CELF2: variants seen among roughly 807,000 people sequenced by gnomAD.
CELF2 encodes CUG triplet repeat RNA-binding protein 2.
Under a neutral mutation model 62.6 loss-of-function variants are expected in CELF2, and 8 were observed. That is an observed-to-expected ratio of 0.13 (90% CI 0.07 to 0.23). The LOEUF (loss-of-function observed/expected upper bound fraction) is 0.23. Among genes scored for constraint, CELF2 ranks in the 10% least tolerant of loss-of-function variants. CELF2 has a pLI of 1.00. For synonymous variants in CELF2, 258 were observed against 250.0 expected, an observed-to-expected ratio of 1.03 and a Z score of -0.30; for missense variants, 333 against 671.0, an observed-to-expected ratio of 0.50 and a Z score of 5.56.
chr10:10,676,432 G>A, the CELF2 span, among the ~76,000 whole-genome samples: 4 of 152,178 alleles, frequency 2.6e-5, no homozygotes, highest in Non-Finnish European at 4.4e-5. Flanking sequence ...TTGTTTAAAA[G>A]AACAGAGTGA....
chr10:11,027,000 T>A (rs2059326123), intron 1 of CELF2, among the ~76,000 whole-genome samples: 1 of 152,216 alleles, frequency 6.6e-6, no homozygotes, highest in Admixed American at 6.5e-5. Flanking sequence ...TATATTTGGC[T>A]ATGCTGCAGC....
At chr10:10,877,863 C>A (rs568293407) in intron 1 of CELF2, among the ~76,000 whole-genome samples, 5 of 152,330 alleles carry the variant, frequency 3.3e-5, no homozygotes, top group African/African-American at 9.6e-5. Context: ...ATTCAGCAAG[C>A]CTGGCGTAGC....
chr10:10,700,939 C>T, the CELF2 span, among the ~76,000 whole-genome samples: 2 of 152,202 alleles, frequency 1.3e-5, no homozygotes, highest in Non-Finnish European at 2.9e-5. Flanking sequence ...TCTGACTCTC[C>T]TACGCCTCCA....
chr10:10,931,782 A>G lies in CELF2; in HGVS notation c.89+11783A>G, dbSNP rs2066087448. Among the ~76,000 whole-genome samples, 1 of 152,230 alleles carries G rather than the reference A, an allele frequency of 6.6e-6. No homozygotes were observed. The highest frequency in any genetic ancestry group is 6.5e-5 in the Admixed American group (1 of 15,286). On this transcript the variant is annotated intron_variant, in intron 2 of 13. Coordinates refer to the CELF2 transcript ENST00000636488. The surrounding 1 kb of genome is among the most constrained non-coding windows in gnomAD (Gnocchi z 6.1). ...TAGTCTTTTCTCACGCTGCTAATAAAGACATACCCACAACTGAGTAATTTA... is the reference window on the plus strand; with the variant it reads ...TAGTCTTTTCTCACGCTGCTAATAAGGACATACCCACAACTGAGTAATTTA...
At chr10:10,534,119 G>A in the CELF2 span, among the ~76,000 whole-genome samples, 1 of 150,260 alleles carries the variant, frequency 6.7e-6, no homozygotes, top group African/African-American at 2.5e-5. Context: ...GATAAGGACT[G>A]GAAAAAAATA....
intron 2 of CELF2, among the ~76,000 whole-genome samples, chr10:11,176,611 T>C (rs1158403983): frequency 6.6e-6 from 1 of 152,204 alleles, no homozygotes; most frequent in African/African-American, 2.4e-5. Flanking sequence ...GTAAGTTGCC[T>C]AGGACAGCGC....
chr10:11,231,052 A>G (rs559487510), intron 3 of CELF2, among the ~76,000 whole-genome samples: 9 of 152,310 alleles, frequency 5.9e-5, no homozygotes, highest in Non-Finnish European at 1.5e-5. Flanking sequence ...GGAATATACT[A>G]TTGCCTGATG....
At chr10:11,303,468 C>T (rs1425886955) in intron 9 of CELF2, among the ~76,000 whole-genome samples, 1 of 152,194 alleles carries the variant, frequency 6.6e-6, no homozygotes, top group African/African-American at 2.4e-5. Flanking sequence ...AGATGCAGTT[C>T]CTCTTTTGAG....
the CELF2 span, among the ~76,000 whole-genome samples, chr10:10,692,034 T>C: frequency 6.6e-6 from 1 of 151,552 alleles, no homozygotes; most frequent in Non-Finnish European, 1.5e-5. Context: ...TTGTCAATTT[T>C]GTCTTTTGTT....
intron 1 of CELF2, among the ~76,000 whole-genome samples, chr10:10,832,066 G>A (rs12778667): frequency 0.13 from 19,525 of 151,634 alleles, 1,643 homozygotes; most frequent in Non-Finnish European, 0.19. Flanking sequence ...TCAGGAGTTC[G>A]AGACTATCCT....
At chr10:11,024,300 A>T (rs1473774539) in intron 1 of CELF2, among the ~76,000 whole-genome samples, 2 of 152,146 alleles carry the variant, frequency 1.3e-5, no homozygotes, top group East Asian at 3.9e-4. Context: ...TTTTGATTTT[A>T]AATCTCAGTA....
chr10:10,852,313 G>A (rs1180185407), intron 1 of CELF2, among the ~76,000 whole-genome samples: 1 of 152,174 alleles, frequency 6.6e-6, no homozygotes, highest in Non-Finnish European at 1.5e-5. Context: ...ATCTCAGGGG[G>A]ATTATACTGA....
intron 1 of CELF2, among the ~76,000 whole-genome samples, chr10:10,869,783 A>G (rs2060620152): frequency 6.6e-6 from 1 of 152,168 alleles, no homozygotes; most frequent in South Asian, 2.1e-4. Flanking sequence ...CGCCTTATCA[A>G]CATAATGAGT....
rs1330554226 is a variant in CELF2 at position 11,319,877 on chromosome 10, A to G, written c.1097-1312A>G. On this transcript the variant is annotated intron_variant, in intron 10 of 12. Coordinates refer to ENST00000633077, the MANE Select transcript of CELF2 (RefSeq NM_001326342.2). The surrounding 1 kb of genome is among the most constrained non-coding windows in gnomAD (Gnocchi z 4.4). The stretch of plus-strand genomic sequence containing the variant: ...CAGAACATTCCCCACCTGCTCTGTT[A>G]GGGCAGTAGCGTTGCTGGGCGTGTG... 1 of 471,080 alleles carries G rather than the reference A, an allele frequency of 2.1e-6. No individual in the cohort carries two copies. Among genetic ancestry groups the G allele is most frequent in the African/African-American group, 2.0e-5 (1 of 50,178 alleles). 29.2% of individuals were successfully genotyped at this position (471,080 alleles called of 1,614,324 possible). A position where few individuals can be genotyped will look rare whatever the true frequency, so the allele number is the denominator to read the frequency against.
Position 11,211,813 on chromosome 10 carries a change from A to AGAGTGTGCGTGT in CELF2, c.272-5611_272-5610insAGTGTGCGTGTG, listed in dbSNP as rs1373283373. Among the ~76,000 whole-genome samples the AGAGTGTGCGTGT allele has an allele frequency of 1.1e-4, 10 of 89,360 alleles. No individual in the cohort carries two copies. Among genetic ancestry groups the AGAGTGTGCGTGT allele is most frequent in the African/African-American group, 4.7e-4 (10 of 21,214 alleles). 58.6% of individuals were successfully genotyped at this position (89,360 alleles called of 152,430 possible). On this transcript the variant is annotated intron_variant, in intron 2 of 12. Transcript: ENST00000633077. This position sits in a 1 kb window ranked among gnomAD's most constrained non-coding sequence, Gnocchi z 4.8. ...GTGTGAGAGAGAGAGAGAGAGAGAG[A>AGAGTGTGCGTGT]GTGTGTGTGTGTGTGTGTGTGTGTG...
rs2095187571 is a variant in CELF2 at position 11,318,278 on chromosome 10, A to G, written c.1097-2911A>G. The G allele has an allele frequency of 6.4e-6, 1 of 156,058 alleles. No homozygotes were observed. The highest frequency in any genetic ancestry group is 2.4e-5 in the African/African-American group (1 of 41,466). 9.7% of individuals were successfully genotyped at this position (156,058 alleles called of 1,614,324 possible). On this transcript the variant is annotated intron_variant, in intron 10 of 12. Transcript: ENST00000633077. This position sits in a 1 kb window ranked among gnomAD's most constrained non-coding sequence, Gnocchi z 5.4. ...GATAGTTGTGGTTTAAAATATTCTC[A>G]GTGTGCTGGTACTTGTTAGAACTTT...
At chr10:10,598,206 G>A in the CELF2 span, among the ~76,000 whole-genome samples, 3 of 152,164 alleles carry the variant, frequency 2.0e-5, no homozygotes, top group African/African-American at 7.2e-5. Context: ...CAGATGAGAT[G>A]CTGTGATGGC....
chr10:10,508,502 G>A, the CELF2 span, among the ~76,000 whole-genome samples: 30 of 152,306 alleles, frequency 2.0e-4, no homozygotes, highest in Non-Finnish European at 2.6e-4. Context: ...CATCTGAAAT[G>A]TCCTGTGGGA....
At position 11,211,915 on chromosome 10, in the gene CELF2, C is replaced by G. The variant is rs1381826000; in HGVS notation, c.272-5510C>G. Among the ~76,000 whole-genome samples, 1 of 151,610 alleles carries G rather than the reference C, an allele frequency of 6.6e-6. No homozygotes were observed. The highest frequency in any genetic ancestry group is 6.6e-5 in the Admixed American group (1 of 15,204). ...AACAGCAAAAATCTCATACCAGTGTCTCAAATTATCTAACAGTTAAGCAGG... is the reference window on the plus strand; with the variant it reads ...AACAGCAAAAATCTCATACCAGTGTGTCAAATTATCTAACAGTTAAGCAGG... On this transcript the variant is annotated intron_variant, in intron 2 of 12. Coordinates refer to ENST00000633077, the MANE Select transcript of CELF2 (RefSeq NM_001326342.2). The surrounding 1 kb of genome is among the most constrained non-coding windows in gnomAD (Gnocchi z 4.8).
Sources: gnomAD v4.1 joint callset for allele counts (sites outside exome capture counted in the v4.1 genomes callset) on GRCh38, gnomAD v4.1.1 for gene constraint, Gnocchi (gnomAD v3.1) non-coding constraint, MANE v1.5 for transcripts, NCBI Gene and HGNC (gene_info 2026-07-23, HGNC 2026-07-21) for gene names.